ATP2B1: variants seen among roughly 807,000 people sequenced by gnomAD.
The protein encoded by ATP2B1 is plasma membrane calcium-transporting ATPase 1.
ATP2B1 carries 14 observed loss-of-function variants against 124.2 expected under a neutral mutation model. The observed-to-expected ratio is 0.11, with a 90% CI of 0.07 to 0.18. The LOEUF is 0.18. Among genes scored for constraint, ATP2B1 ranks in the 10% least tolerant of loss-of-function variants. The pLI is 1.00. For missense variants in ATP2B1, 763 were observed against 1,466.1 expected, an observed-to-expected ratio of 0.52 and a Z score of 7.83; for synonymous variants, 449 against 492.4, an observed-to-expected ratio of 0.91 and a Z score of 1.17.
At chr12:89,596,880 C>T (rs1874721002) in intron 20 of ATP2B1, among the ~76,000 whole-genome samples, 1 of 152,106 alleles carries the variant, frequency 6.6e-6, no homozygotes, top group African/African-American at 2.4e-5. Flanking sequence ...AGACTATTAT[C>T]AATCCCTTAG....
chr12:89,619,874 A>G (rs1879682650), intron 11 of ATP2B1, 125 bp downstream of exon 11: 1 of 1,259,670 alleles, frequency 7.9e-7, no homozygotes, highest in African/African-American at 1.5e-5. Context: ...AAAATATGCT[A>G]AAAAACTCTG....
intron 9 of ATP2B1, 100 bp downstream of exon 9, chr12:89,624,083 C>T (rs1174002439): frequency 9.9e-7 from 1 of 1,009,368 alleles, no homozygotes; most frequent in Non-Finnish European, 1.5e-6. Flanking sequence ...ATATGAAAGT[C>T]CTCACTTTCA....
chr12:89,598,978 CAGT>C (rs1875251408), intron 20 of ATP2B1, 136 bp downstream of exon 20: 6 of 1,073,344 alleles, frequency 5.6e-6, no homozygotes, highest in Non-Finnish European at 8.0e-6. Context: ...TTCCAGGCAC[CAGT>C]ATTACTTTTC....
intron 15 of ATP2B1, among the ~76,000 whole-genome samples, chr12:89,608,259 C>T (rs1281443754): frequency 6.6e-6 from 1 of 152,122 alleles, no homozygotes; most frequent in Non-Finnish European, 1.5e-5. Flanking sequence ...GCCTGCGCCT[C>T]CTGGGTTCAA....
chr12:89,608,344 G>A (rs913869324), intron 15 of ATP2B1, among the ~76,000 whole-genome samples: 1 of 150,794 alleles, frequency 6.6e-6, no homozygotes, highest in African/African-American at 2.4e-5. Context: ...ATTTTTGTAT[G>A]TTTTTTTTTA....
intron 1 of ATP2B1, among the ~76,000 whole-genome samples, chr12:89,666,222 CA>C (rs144833073): frequency 0.02 from 3,096 of 152,162 alleles, 87 homozygotes; most frequent in African/African-American, 0.07. Context: ...GTTAACTCAC[CA>C]AAGTGCAAAG....
Position 89,590,272 on chromosome 12 carries a change from T to A in ATP2B1, c.*712A>T, listed in dbSNP as rs1270857382. ...TTCATTAGAACACCACTGCTCATGT[T>A]TTTTTGTTTTGTTTTGTTTTTTTCG... On this transcript the variant is annotated 3_prime_UTR_variant, in exon 21 of 21. Coordinates refer to ENST00000428670, the MANE Select transcript of ATP2B1 (RefSeq NM_001366521.1). 6.6e-6 allele frequency: 1 copy of A among 152,542 alleles called. No homozygotes were observed. The highest frequency in any genetic ancestry group is 6.6e-5 in the Admixed American group (1 of 15,252). 9.4% of individuals were successfully genotyped at this position (152,542 alleles called of 1,614,324 possible).
At position 89,603,929 on chromosome 12, in the gene ATP2B1, G is replaced by T; in HGVS notation, c.2635-4C>A. The T allele has an allele frequency of 6.2e-7, 1 of 1,612,800 alleles. No homozygotes were observed. Among genetic ancestry groups the T allele is most frequent in the Non-Finnish European group, 8.5e-7 (1 of 1,179,168 alleles). ...GCACAGCCTTAAGCGGTGAGTCCTA[G>T]AAAAGATATGTTTCCTAATAGACAT... On this transcript the variant is annotated splice_polypyrimidine_tract_variant and splice_region_variant and intron_variant, in intron 16 of 20. Coordinates refer to ENST00000428670, the MANE Select transcript of ATP2B1 (RefSeq NM_001366521.1). This position sits in a 1 kb window ranked among gnomAD's most constrained non-coding sequence, Gnocchi z 4.3.
chr12:89,647,911 T>C (rs1014376410), intron 2 of ATP2B1, among the ~76,000 whole-genome samples: 20 of 152,170 alleles, frequency 1.3e-4, no homozygotes, highest in African/African-American at 4.6e-4. Flanking sequence ...ACTCTCATCA[T>C]GTAACGTGCC....
intron 13 of ATP2B1, among the ~76,000 whole-genome samples, chr12:89,610,958 T>A (rs1877897381): frequency 6.6e-6 from 1 of 152,180 alleles, no homozygotes. Flanking sequence ...CTAGATTCAC[T>A]GCTGCTACTT....
At chr12:89,653,120 T>C (rs539674109) in intron 2 of ATP2B1, among the ~76,000 whole-genome samples, 1 of 152,268 alleles carries the variant, frequency 6.6e-6, no homozygotes, top group East Asian at 1.9e-4. Flanking sequence ...AAACAAATTG[T>C]GTATATATAA....
At chr12:89,661,087 CATTT>C (rs2136419213) in intron 1 of ATP2B1, among the ~76,000 whole-genome samples, 1 of 152,140 alleles carries the variant, frequency 6.6e-6, no homozygotes, top group South Asian at 2.1e-4. Flanking sequence ...TATTTTCATT[CATTT>C]AATGAGAATA....
At chr12:89,632,345 T>C (rs765000619) in intron 5 of ATP2B1, among the ~76,000 whole-genome samples, 1 of 152,190 alleles carries the variant, frequency 6.6e-6, no homozygotes, top group Non-Finnish European at 1.5e-5. Flanking sequence ...GAGTAACTTA[T>C]CCAATATTGT....
chr12:89,623,293 TA>T (rs1880301493), intron 9 of ATP2B1, among the ~76,000 whole-genome samples: 1 of 151,266 alleles, frequency 6.6e-6, no homozygotes, highest in African/African-American at 2.4e-5. Flanking sequence ...TGTTTGGTTA[TA>T]ATTTTTTACC....
intron 1 of ATP2B1, among the ~76,000 whole-genome samples, chr12:89,697,064 CAA>C (rs59301153): frequency 0.85 from 96,578 of 114,214 alleles, 40,609 homozygotes; most frequent in East Asian, 0.96. Context: ...CTACTTCCTT[CAA>C]AAAAAAAAAA....
intron 12 of ATP2B1, 45 bp downstream of exon 12, chr12:89,616,757 T>TA: frequency 1.3e-6 from 2 of 1,557,274 alleles, no homozygotes; most frequent in Non-Finnish European, 1.8e-6. Context: ...AGGTCCTCTA[T>TA]AGTTATGAGA....
chr12:89,665,370 A>T (rs191329344), intron 1 of ATP2B1, among the ~76,000 whole-genome samples: 2 of 152,292 alleles, frequency 1.3e-5, no homozygotes, highest in Admixed American at 1.3e-4. Context: ...ACACCTAAAA[A>T]AATTAAATTT....
At chr12:89,617,625 T>A (rs948039785) in intron 11 of ATP2B1, among the ~76,000 whole-genome samples, 1 of 152,218 alleles carries the variant, frequency 6.6e-6, no homozygotes, top group Non-Finnish European at 1.5e-5. Flanking sequence ...TCATACTATA[T>A]ACCTATTTAA....
At position 89,624,356 on chromosome 12, in the gene ATP2B1, A is replaced by G; in HGVS notation, c.1171T>C (p.Tyr391His). 2 of 1,614,118 alleles carry G rather than the reference A, an allele frequency of 1.2e-6. No individual in the cohort carries two copies. The highest frequency in any genetic ancestry group is 1.1e-5 in the South Asian group (1 of 91,082). Residue 391 changes from tyrosine (Y) to histidine (H), a missense_variant, in exon 9 of 21, where the codon TAT (tyrosine) becomes CAT (histidine). Physicochemically the swap from Tyr to His is moderately conservative, Grantham distance 83. Around this residue, in one of 7 missense-constraint regions of ATP2B1, gnomAD observed 392 missense variants for 776.6 expected, o/e 0.50. Transcript: ENST00000428670. ...SAITVIILVLYFVIDTFWVQK... is the reference protein window; with the variant it reads ...SAITVIILVLHFVIDTFWVQK... ...ACCCAGAAGGTGTCAATGACAAAAT[A>G]TAATACTAGAATGATAACTGTGATG...
Sources: allele counts gnomAD v4.1 joint callset (sites outside exome capture counted in the v4.1 genomes callset), GRCh38; gene constraint gnomAD v4.1.1; regional missense constraint gnomAD v4.1.1; non-coding constraint Gnocchi (gnomAD v3.1); transcripts MANE v1.5; gene names NCBI Gene and HGNC (gene_info 2026-07-23, HGNC 2026-07-21).